The following PDCD6IP variants were observed in gnomAD, a reference collection of about 807,000 sequenced individuals.
The protein encoded by PDCD6IP is programmed cell death 6-interacting protein.
A neutral mutation model predicts 103.7 loss-of-function variants in PDCD6IP; 43 were observed. The observed-to-expected ratio is 0.41, with a 90% confidence interval of 0.32 to 0.53. The LOEUF (loss-of-function observed/expected upper bound fraction) is 0.53, where lower values mean the gene tolerates loss of function less well. PDCD6IP is among the 20% of genes least tolerant of loss of function. The pLI, the probability that PDCD6IP is intolerant of heterozygous loss-of-function variation, is 0.16. For missense variants in PDCD6IP, 871 were observed against 1,036.7 expected (o/e 0.84, Z 2.20); for synonymous variants, 354 against 378.7 (o/e 0.93, Z 0.76).
At chr3:33,854,431 G>C (rs1287746996) in intron 14 of PDCD6IP, among the ~76,000 whole-genome samples, 1 of 152,152 alleles carries the variant, frequency 6.6e-6, no homozygotes, top group Non-Finnish European at 1.5e-5. Context: ...CTTGTGGCCT[G>C]CCCAAGTGTC....
At chr3:33,824,790 C>T (rs4334593) in intron 4 of PDCD6IP, among the ~76,000 whole-genome samples, 3 of 152,062 alleles carry the variant, frequency 2.0e-5, no homozygotes, top group South Asian at 4.1e-4. Flanking sequence ...CCCCTAACTA[C>T]GGCATGTTTA....
chr3:33,824,190 T>C (rs2125555443), intron 4 of PDCD6IP, among the ~76,000 whole-genome samples: 1 of 152,342 alleles, frequency 6.6e-6, no homozygotes, highest in African/African-American at 2.4e-5. Flanking sequence ...AGAAACATGC[T>C]GTTCATTTTA....
Position 33,866,454 on chromosome 3 carries a change from T to A in PDCD6IP, c.2536T>A (p.Tyr846Asn), listed in dbSNP as rs773197346. The change falls in exon 18 of 18, where the codon TAC becomes AAC. Residue 846 changes from tyrosine to asparagine, a missense_variant. By Grantham distance (143) the Tyr-to-Asn change is moderately radical (BLOSUM62 -2). This residue lies in a region of PDCD6IP where 202 missense variants were observed against 205.2 expected (regional missense o/e 0.98). Coordinates refer to ENST00000307296, the MANE Select transcript of PDCD6IP (RefSeq NM_013374.6). ...VYHQSPGQAP[Y>N]PGPQQPSYPF... ...TCACCAGAGTCCTGGACAGGCTCCA[T>A]ACCCGGGACCCCAGCAGCCTTCATA... 6.2e-7 allele frequency: 1 copy of A among 1,612,166 alleles called. No individual in the cohort carries two copies. Among genetic ancestry groups the A allele is most frequent in the Non-Finnish European group, 8.5e-7 (1 of 1,179,302 alleles).
chr3:33,850,570 A>C (rs1465980570), intron 12 of PDCD6IP, among the ~76,000 whole-genome samples: 1 of 152,082 alleles, frequency 6.6e-6, no homozygotes, highest in Admixed American at 6.5e-5. Context: ...ACATATATAC[A>C]TATTATGTAT....
At chr3:33,838,685 A>T (rs992201891) in intron 9 of PDCD6IP, among the ~76,000 whole-genome samples, 1 of 151,966 alleles carries the variant, frequency 6.6e-6, no homozygotes, top group African/African-American at 2.4e-5. Context: ...GGTTTAAAAA[A>T]TTTTTAGGTA....
In PDCD6IP at chr3:33,798,685, T is replaced by C. The variant is rs917363843; in HGVS notation, c.-44T>C. On this transcript the variant is annotated 5_prime_UTR_variant, in exon 1 of 18. Transcript: ENST00000307296. Reference sequence around the variant, plus strand: ...CTCTCTCTCCTCGGCCCTCGTAAGCTGTCCGCGGTCTGTTTGGCCCGAACG... The same window carrying C: ...CTCTCTCTCCTCGGCCCTCGTAAGCCGTCCGCGGTCTGTTTGGCCCGAACG... 47 of 1,483,102 alleles carry C rather than the reference T, an allele frequency of 3.2e-5. No individual in the cohort carries two copies. The highest frequency in any genetic ancestry group is 4.2e-5 in the Non-Finnish European group (46 of 1,101,494). 91.9% of individuals were successfully genotyped at this position (1,483,102 alleles called of 1,614,324 possible).
At chr3:33,814,488 G>A (rs186263708) in intron 3 of PDCD6IP, among the ~76,000 whole-genome samples, 4 of 146,758 alleles carry the variant, frequency 2.7e-5, no homozygotes, top group African/African-American at 1.0e-4. Context: ...CCTAAGAACA[G>A]TGCTTTATTA....
intron 9 of PDCD6IP, among the ~76,000 whole-genome samples, chr3:33,839,173 A>G (rs1210798813): frequency 1.3e-5 from 2 of 152,132 alleles, no homozygotes; most frequent in African/African-American, 4.8e-5. Flanking sequence ...AGAGAACATT[A>G]CTGTTACCCT....
intron 1 of PDCD6IP, chr3:33,810,950 C>G: frequency 5.5e-6 from 1 of 180,984 alleles, no homozygotes; most frequent in South Asian, 7.5e-5. Flanking sequence ...TACAGTGGCG[C>G]TGTCTTGGCC....
intron 17 of PDCD6IP, 77 bp from the exon 18 acceptor site, chr3:33,866,274 G>T (rs1698062322): frequency 2.2e-6 from 2 of 924,786 alleles, no homozygotes; most frequent in South Asian, 2.5e-5. Context: ...CATGAAAAAC[G>T]TAGTTCTAGA....
chr3:33,803,982 T>A (rs1696536192), intron 1 of PDCD6IP, among the ~76,000 whole-genome samples: 1 of 152,208 alleles, frequency 6.6e-6, no homozygotes, highest in South Asian at 2.1e-4. Flanking sequence ...TTCTGAAATA[T>A]TTTCTACATG....
rs774852061 is a variant in PDCD6IP, at chr3:33,798,708, ACGG to A, written c.-14_-12del. The A allele has an allele frequency of 2.6e-6, 4 of 1,531,588 alleles. No individual in the cohort carries two copies. In the South Asian group the frequency reaches 4.9e-5, roughly 19 times the overall value. 94.9% of individuals were successfully genotyped at this position (1,531,588 alleles called of 1,614,324 possible). A position where few individuals can be genotyped will look rare whatever the true frequency, so the allele number is the denominator to read the frequency against. On this transcript the variant is annotated 5_prime_UTR_variant, in exon 1 of 18. Coordinates refer to ENST00000307296, the MANE Select transcript of PDCD6IP (RefSeq NM_013374.6). ...GCTGTCCGCGGTCTGTTTGGCCCGA[ACGG>A]CGGCGGAGGCGCTGATCATGGCGAC...
chr3:33,816,669 C>A (rs1328555278), intron 3 of PDCD6IP, among the ~76,000 whole-genome samples: 1 of 151,944 alleles, frequency 6.6e-6, no homozygotes, highest in Non-Finnish European at 1.5e-5. Flanking sequence ...CTTGGAGTAT[C>A]CTGAATAAGC....
At chr3:33,865,983 TTATG>T (rs149358417) in intron 17 of PDCD6IP, among the ~76,000 whole-genome samples, 21 of 152,316 alleles carry the variant, frequency 1.4e-4, no homozygotes, top group African/African-American at 5.1e-4. Flanking sequence ...AGTTGTAAAT[TTATG>T]TATATCACAG....
chr3:33,825,401 A>C, intron 5 of PDCD6IP, 61 bp downstream of exon 5: 1 of 1,381,158 alleles, frequency 7.2e-7, no homozygotes, highest in Non-Finnish European at 1.0e-6. Flanking sequence ...TTAAATTAAG[A>C]AAGTGATTAG....
intron 7 of PDCD6IP, chr3:33,835,203 T>A (rs1697320418): frequency 2.2e-6 from 1 of 456,104 alleles, no homozygotes; most frequent in African/African-American, 2.0e-5. Context: ...AAAATTCTTA[T>A]TGATGTTGAC....
At chr3:33,842,581 C>T (rs1697498814) in intron 10 of PDCD6IP, among the ~76,000 whole-genome samples, 1 of 151,652 alleles carries the variant, frequency 6.6e-6, no homozygotes. Flanking sequence ...CTGATTCTTG[C>T]TTATGGTGGC....
At chr3:33,834,850 A>G (rs1054305209) in intron 7 of PDCD6IP, among the ~76,000 whole-genome samples, 1 of 152,138 alleles carries the variant, frequency 6.6e-6, no homozygotes, top group Non-Finnish European at 1.5e-5. Flanking sequence ...AGTGTTCTCT[A>G]TGTCTGGTAA....
At chr3:33,865,124 A>C (rs906079958) in intron 16 of PDCD6IP, 119 bp from the exon 17 acceptor site, 6 of 626,074 alleles carry the variant, frequency 9.6e-6, no homozygotes, top group Middle Eastern at 2.8e-4. Flanking sequence ...TAAGAATGGG[A>C]ATTAAAAATA....
Sources: gnomAD v4.1 joint callset for allele counts (sites outside exome capture counted in the v4.1 genomes callset) on GRCh38, gnomAD v4.1.1 for gene constraint, gnomAD v4.1.1 regional missense constraint, MANE v1.5 for transcripts, NCBI Gene and HGNC (gene_info 2026-07-23, HGNC 2026-07-21) for gene names.